The following ZNF534 variants were observed in gnomAD, a reference collection of about 807,000 sequenced individuals.
ZNF534 encodes zinc finger protein 534, also known as KRAB domain only 3.
Under a neutral mutation model 13.6 loss-of-function variants are expected in ZNF534, and 19 were observed. That is an observed-to-expected ratio of 1.40 (90% CI 0.97 to 2.05). The LOEUF (loss-of-function observed/expected upper bound fraction) is 2.05, where lower values mean the gene tolerates loss of function less well. Ranked by LOEUF, ZNF534 falls within the 30% of genes most tolerant of loss-of-function variation. The pLI is 0.00. For synonymous variants in ZNF534, 244 were observed against 273.8 expected (o/e 0.89, Z 1.07); for missense variants, 782 against 796.3 (o/e 0.98, Z 0.22).
Position 52,440,519 on chromosome 19 carries a change from G to A in ZNF534, c.*1073G>A, listed in dbSNP as rs534039412. Among the ~76,000 whole-genome samples the A allele has an allele frequency of 7.2e-5, 11 of 152,232 alleles. No homozygotes were observed. In the East Asian group the frequency reaches 1.4e-3, roughly 19 times the overall value. On this transcript the variant is annotated 3_prime_UTR_variant, in exon 5 of 5. Coordinates refer to ENST00000433050, the MANE Select transcript of ZNF534 (RefSeq NM_001143938.3). ...CTGGAGGCTGGGTGCGGTGGCTCAC[G>A]CCTGTAATCCCAGCACTTTGGGAGG... is the stretch of plus-strand genomic sequence containing the variant.
At chr19:52,451,522 G>A in exon 5 of ZNF534, 3 of 598,512 alleles carry the variant, frequency 5.0e-6, no homozygotes, top group African/African-American at 2.0e-5. Flanking sequence ...CACCCAGCCA[G>A]CGGGCCCAGC....
chr19:52,433,516 A>G (rs1483675394), intron 2 of ZNF534, among the ~76,000 whole-genome samples: 8 of 151,838 alleles, frequency 5.3e-5, no homozygotes, highest in African/African-American at 7.3e-5. Flanking sequence ...ACAGACCCCC[A>G]CCACCGCGCC....
chr19:52,434,096 C>G lies in ZNF534; in HGVS notation c.142+15C>G. On this transcript the variant is annotated intron_variant, in intron 3 of 4. Coordinates refer to ENST00000433050, the MANE Select transcript of ZNF534 (RefSeq NM_001143938.3). ...GGTCTCCCTAGGTGAGGATAATGTC[C>G]GTCCAGAAGCCTGCATCTGCTCTGG... 1 of 1,609,766 alleles carries G rather than the reference C, an allele frequency of 6.2e-7. No homozygotes were observed. Among genetic ancestry groups the G allele is most frequent in the Non-Finnish European group, 8.5e-7 (1 of 1,178,730 alleles).
chr19:52,445,397 A>C (rs574031144), downstream of ZNF534, among the ~76,000 whole-genome samples: 2 of 152,140 alleles, frequency 1.3e-5, no homozygotes, highest in African/African-American at 4.8e-5. Context: ...GGGTTTCACC[A>C]TGTTGGCCAG....
At chr19:52,433,554 G>A (rs1226523843) in intron 2 of ZNF534, among the ~76,000 whole-genome samples, 5 of 152,188 alleles carry the variant, frequency 3.3e-5, no homozygotes, top group Non-Finnish European at 4.4e-5. Flanking sequence ...TTTTAGTAGA[G>A]ATGGGGTTTC....
downstream of ZNF534, among the ~76,000 whole-genome samples, chr19:52,442,742 A>G (rs1210080156): frequency 2.0e-5 from 3 of 152,218 alleles, 1 homozygote; most frequent in East Asian, 3.8e-4. Context: ...GAAAGAATCA[A>G]TAGGATGACA....
In ZNF534 at chr19:52,449,217, T is replaced by C. The variant is rs1026333095; in HGVS notation, c.272-1970T>C. 2.6e-5 allele frequency among the ~76,000 whole-genome samples: 4 copies of C among 152,344 alleles called. 1 individual carries two copies. The South Asian group carries it at 6.2e-4, about 24-fold the overall frequency. ...TTTTAAAGGATGAACAGTATACCAT[T>C]GTCTATATATACATTTTCTTTATCC... On this transcript the variant is annotated intron_variant, in intron 4 of 4. Transcript: ENST00000301085.
downstream of ZNF534, among the ~76,000 whole-genome samples, chr19:52,446,464 G>C (rs967005122): frequency 1.3e-5 from 2 of 152,026 alleles, no homozygotes; most frequent in Non-Finnish European, 2.9e-5. Flanking sequence ...ACTCACTCTA[G>C]AGATTTTTTA....
rs758995838 is a variant in ZNF534 at position 52,433,957 on chromosome 19, G to T, written c.18G>T (p.Gly6=). Residue 6 remains glycine (G), a splice_region_variant and synonymous_variant, in exon 3 of 5, where the codon GGG becomes GGT. Transcript: ENST00000433050. MALTQ[G]QLSFSDVAIE... is the part of the protein sequence containing the mutation. ...TTGAAATGTGGATTTCCTTTTAGGG[G>T]CAATTGTCATTCAGCGATGTGGCCA... 6.2e-7 allele frequency: 1 copy of T among 1,613,618 alleles called. No individual in the cohort carries two copies. Among genetic ancestry groups the T allele is most frequent in the Admixed American group, 1.7e-5 (1 of 59,982 alleles).
At chr19:52,432,941 C>T (rs972156639) in intron 2 of ZNF534, among the ~76,000 whole-genome samples, 1 of 151,996 alleles carries the variant, frequency 6.6e-6, no homozygotes, top group Non-Finnish European at 1.5e-5. Context: ...AGATTTTGAC[C>T]ATTTTTAAAA....
chr19:52,444,276 G>A (rs541356267), downstream of ZNF534, among the ~76,000 whole-genome samples: 42 of 152,266 alleles, frequency 2.8e-4, no homozygotes, highest in African/African-American at 1.0e-3. Context: ...CCATCTGGAT[G>A]ATCTAGCCAC....
chr19:52,434,957 T>G, intron 3 of ZNF534, 124 bp from the exon 4 acceptor site: 1 of 1,238,816 alleles, frequency 8.1e-7, no homozygotes. Flanking sequence ...AAGGATGCAA[T>G]CAGTGGTTGA....
chr19:52,447,494 C>T (rs2608538), downstream of ZNF534, among the ~76,000 whole-genome samples: 139,292 of 152,212 alleles, frequency 0.92, 64,083 homozygotes, highest in Non-Finnish European at 0.96. Flanking sequence ...TTAACACTAA[C>T]AGTGACATTT....
At chr19:52,444,209 C>T (rs1314914725), downstream of ZNF534, among the ~76,000 whole-genome samples, 1 of 152,128 alleles carries the variant, frequency 6.6e-6, no homozygotes. Context: ...GTAGTACTCT[C>T]CCCCTTTTCC....
At chr19:52,433,427 C>T (rs184162176) in intron 2 of ZNF534, among the ~76,000 whole-genome samples, 232 of 151,686 alleles carry the variant, frequency 1.5e-3, no homozygotes, top group African/African-American at 3.9e-3. Flanking sequence ...AGTGCAGTGG[C>T]GCAATCTCAG....
Position 52,434,000 on chromosome 19 carries a change from G to A in ZNF534, c.61G>A (p.Glu21Lys). ...TGTGGCCATAGAATTCTCTCAGGAG[G>A]AGTGGAAATGCCTGGACCCTGGGCA... ...SDVAIEFSQE[E>K]WKCLDPGQKA... Residue 21 changes from glutamate to lysine, a missense_variant, in exon 3 of 5, where the codon GAG becomes AAG. Glu to Lys is a moderately conservative substitution (Grantham distance 56, BLOSUM62 1). This residue lies in a region of ZNF534 where 81 missense variants were observed against 63.5 expected (regional missense o/e 1.28). Transcript: ENST00000433050. 6.2e-7 allele frequency: 1 copy of A among 1,614,124 alleles called. No homozygotes were observed. Among genetic ancestry groups the A allele is most frequent in the African/African-American group, 1.3e-5 (1 of 75,038 alleles).
chr19:52,433,359 T>A (rs1599859793), intron 2 of ZNF534, among the ~76,000 whole-genome samples: 1 of 51,934 alleles, frequency 1.9e-5, no homozygotes, highest in East Asian at 2.9e-4. Context: ...AAACCTAACA[T>A]TTCTTTCTCT....
At chr19:52,444,674 C>T (rs994487204), downstream of ZNF534, among the ~76,000 whole-genome samples, 2 of 151,910 alleles carry the variant, frequency 1.3e-5, no homozygotes, top group Non-Finnish European at 2.9e-5. Flanking sequence ...GGTCTTGGTA[C>T]TGCTGCTGTG....
chr19:52,441,984 AATC>A lies in ZNF534; in HGVS notation c.*2541_*2543del, dbSNP rs941372682. Among the ~76,000 whole-genome samples, 15 of 152,336 alleles carry A rather than the reference AATC, an allele frequency of 9.8e-5. No homozygotes were observed. Among genetic ancestry groups the A allele is most frequent in the African/African-American group, 3.6e-4 (15 of 41,576 alleles). Reference sequence around the variant, plus strand: ...CATCAGAGGTTCCATACTAAGGAGAAATCATATAAATGTAATGTATGTGGCACA... The same window carrying A: ...CATCAGAGGTTCCATACTAAGGAGAAATATAAATGTAATGTATGTGGCACA... On this transcript the variant is annotated 3_prime_UTR_variant, in exon 5 of 5. Coordinates refer to ENST00000433050, the MANE Select transcript of ZNF534 (RefSeq NM_001143938.3).
Sources: gnomAD v4.1 joint callset for allele counts (sites outside exome capture counted in the v4.1 genomes callset) on GRCh38, gnomAD v4.1.1 for gene constraint, gnomAD v4.1.1 regional missense constraint, MANE v1.5 for transcripts, NCBI Gene and HGNC (gene_info 2026-07-23, HGNC 2026-07-21) for gene names.